Variants in MACROD2 observed in about 807,000 individuals in gnomAD.
The protein encoded by MACROD2 is ADP-ribose glycohydrolase MACROD2.
MACROD2 carries 36 observed loss-of-function variants against 70.4 expected under a neutral mutation model. The ratio of observed to expected loss-of-function variants is 0.51; its 90% confidence interval spans 0.39 to 0.68. The LOEUF (loss-of-function observed/expected upper bound fraction) is 0.68, where lower values mean the gene tolerates loss of function less well. Ranked by LOEUF, MACROD2 falls within the 30% of genes least tolerant of loss-of-function variation. The probability of loss-of-function intolerance (pLI) is 0.00; values close to 1 mark genes in which losing one functional copy is unlikely to be tolerated. For missense variants in MACROD2, 496 were observed against 538.4 expected, an observed-to-expected ratio of 0.92 and a Z score of 0.78; for synonymous variants, 172 against 178.8, an observed-to-expected ratio of 0.96 and a Z score of 0.30.
At chr20:14,384,847 T>C (rs2083454787) in intron 3 of MACROD2, among the ~76,000 whole-genome samples, 1 of 152,176 alleles carries the variant, frequency 6.6e-6, no homozygotes, top group South Asian at 2.1e-4. Context: ...TGATATACTT[T>C]AGAGTGCTTG....
intron 3 of MACROD2, among the ~76,000 whole-genome samples, chr20:14,300,090 T>C (rs938232686): frequency 9.9e-5 from 15 of 152,142 alleles, no homozygotes; most frequent in African/African-American, 3.4e-4. Flanking sequence ...ATCATAAAGA[T>C]GAGGCTACTG....
chr20:15,661,875 T>G (rs2049826481), intron 8 of MACROD2, among the ~76,000 whole-genome samples: 8 of 152,214 alleles, frequency 5.3e-5, no homozygotes. Context: ...ACATTCGTAG[T>G]GTAGTCAGTA....
intron 5 of MACROD2, among the ~76,000 whole-genome samples, chr20:15,223,144 A>T (rs1279471327): frequency 6.6e-6 from 1 of 152,210 alleles, no homozygotes; most frequent in Non-Finnish European, 1.5e-5. Flanking sequence ...GCAAAAACAG[A>T]TTCCATTTGT....
intron 5 of MACROD2, chr20:14,894,482 C>G (rs2073803565): frequency 6.6e-6 from 1 of 152,088 alleles, no homozygotes; most frequent in Admixed American, 6.6e-5. Context: ...CTCAGCCTCC[C>G]AAAGTGCTGG....
intron 4 of MACROD2, among the ~76,000 whole-genome samples, chr20:14,556,689 G>C (rs79832654): frequency 0.11 from 16,061 of 151,896 alleles, 1,258 homozygotes; most frequent in South Asian, 0.33. Context: ...ATTTTCTAGA[G>C]CAGCTGCTAG....
intron 5 of MACROD2, among the ~76,000 whole-genome samples, chr20:15,117,180 A>G (rs765015715): frequency 1.1e-4 from 16 of 152,208 alleles, no homozygotes; most frequent in Admixed American, 1.3e-4. Context: ...TGGACGAATC[A>G]TGGTAAAGAA....
At chr20:14,178,283 G>A (rs1338639874) in intron 3 of MACROD2, among the ~76,000 whole-genome samples, 1 of 152,052 alleles carries the variant, frequency 6.6e-6, no homozygotes, top group East Asian at 1.9e-4. Flanking sequence ...ATACTACATA[G>A]ATATGTATTG....
intron 8 of MACROD2, among the ~76,000 whole-genome samples, chr20:15,857,992 C>T (rs1163797952): frequency 2.0e-5 from 3 of 152,014 alleles, no homozygotes; most frequent in Non-Finnish European, 2.9e-5. Context: ...TTTGCTTGAC[C>T]CTAGAAATTT....
At chr20:14,785,006 A>C (rs940787070) in intron 5 of MACROD2, among the ~76,000 whole-genome samples, 4 of 152,094 alleles carry the variant, frequency 2.6e-5, no homozygotes, top group African/African-American at 9.7e-5. Context: ...ATGGAATAAC[A>C]GTAAATTCTG....
chr20:14,681,390 C>T (rs1405637420), intron 4 of MACROD2, among the ~76,000 whole-genome samples: 1 of 152,112 alleles, frequency 6.6e-6, no homozygotes, highest in East Asian at 1.9e-4. Flanking sequence ...AAAGAAATTA[C>T]AGCATATTCA....
At chr20:14,576,572 C>G (rs1980615033) in intron 4 of MACROD2, among the ~76,000 whole-genome samples, 1 of 152,034 alleles carries the variant, frequency 6.6e-6, no homozygotes, top group Admixed American at 6.6e-5. Context: ...ATGGAGGTCC[C>G]AAGTCAAGAA....
intron 3 of MACROD2, among the ~76,000 whole-genome samples, chr20:14,291,864 A>G (rs963976095): frequency 3.3e-5 from 5 of 151,856 alleles, no homozygotes; most frequent in African/African-American, 1.2e-4. Flanking sequence ...CTTAGGTTGG[A>G]TTCCCTAGAA....
chr20:14,309,491 T>G (rs2082547914), intron 3 of MACROD2, among the ~76,000 whole-genome samples: 1 of 152,168 alleles, frequency 6.6e-6, no homozygotes, highest in African/African-American at 2.4e-5. Flanking sequence ...AGTGGATAAC[T>G]GAAAAACCTG....
intron 8 of MACROD2, among the ~76,000 whole-genome samples, chr20:15,513,003 C>T (rs1259906245): frequency 2.6e-5 from 4 of 152,154 alleles, no homozygotes; most frequent in Non-Finnish European, 4.4e-5. Flanking sequence ...ATATGGTTTT[C>T]CCTTGGGTTC....
intron 5 of MACROD2, among the ~76,000 whole-genome samples, chr20:15,105,370 C>T (rs1055483675): frequency 1.3e-5 from 2 of 152,060 alleles, no homozygotes; most frequent in South Asian, 2.1e-4. Context: ...CTGGTTGCAC[C>T]GTTCCTGAAA....
intron 8 of MACROD2, among the ~76,000 whole-genome samples, chr20:15,550,011 A>G (rs1368080863): frequency 6.6e-6 from 1 of 152,108 alleles, no homozygotes; most frequent in African/African-American, 2.4e-5. Flanking sequence ...TTAATACAGT[A>G]ATATATCTAA....
At chr20:14,741,578 A>T (rs967023783) in intron 5 of MACROD2, among the ~76,000 whole-genome samples, 2 of 152,170 alleles carry the variant, frequency 1.3e-5, no homozygotes, top group Non-Finnish European at 2.9e-5. Flanking sequence ...CAATCCTGAC[A>T]TTATGTAAGA....
At chr20:14,093,976 A>G (rs1052400663) in intron 3 of MACROD2, among the ~76,000 whole-genome samples, 102 of 151,090 alleles carry the variant, frequency 6.8e-4, no homozygotes, top group African/African-American at 2.4e-3. Context: ...TTGAGGGCTG[A>G]GGTTTTTTTT....
intron 5 of MACROD2, among the ~76,000 whole-genome samples, chr20:14,962,319 G>A (rs1306189983): frequency 1.3e-5 from 2 of 151,840 alleles, no homozygotes; most frequent in African/African-American, 4.8e-5. Context: ...TTTTTCTAGA[G>A]AGAGAATCTC....
Sources: gnomAD v4.1 joint callset for allele counts (sites outside exome capture counted in the v4.1 genomes callset) on GRCh38, gnomAD v4.1.1 for gene constraint, MANE v1.5 for transcripts, NCBI Gene and HGNC (gene_info 2026-07-23, HGNC 2026-07-21) for gene names.